The following STX1A variants were observed in gnomAD, a reference collection of about 807,000 sequenced individuals.
STX1A encodes syntaxin-1A.
In STX1A, 4 loss-of-function variants were observed where a neutral mutation model predicts 37.8. The ratio of observed to expected loss-of-function variants is 0.11; its 90% CI spans 0.05 to 0.24. The LOEUF is 0.24. Among genes scored for constraint, STX1A ranks in the 10% least tolerant of loss-of-function variants. The probability of loss-of-function intolerance (pLI) is 1.00; values close to 1 mark genes in which losing one functional copy is unlikely to be tolerated. For missense variants in STX1A, 251 were observed against 399.9 expected, an observed-to-expected ratio of 0.63 and a Z score of 3.18; for synonymous variants, 135 against 147.4, an observed-to-expected ratio of 0.92 and a Z score of 0.61.
intron 4 of STX1A, 97 bp from the exon 5 acceptor site, chr7:73,704,520 G>C: frequency 6.7e-7 from 1 of 1,482,016 alleles, no homozygotes; most frequent in Non-Finnish European, 9.2e-7. Context: ...ACATCCCCTA[G>C]GGTATGTGTG....
chr7:73,719,555 G>A (rs1799421491), intron 1 of STX1A, 47 bp downstream of exon 1: 1 of 1,204,604 alleles, frequency 8.3e-7, no homozygotes, highest in South Asian at 4.2e-5. Context: ...CGGCGCGTTG[G>A]CGCTGGCGGC....
In STX1A at chr7:73,705,310, G is replaced by T; in HGVS notation, c.209-86C>A. The T allele has an allele frequency of 8.8e-7, 1 of 1,130,350 alleles. No individual in the cohort carries two copies. The allele number at this position is 1,130,350 out of a possible 1,614,324, so 70.0% of individuals were successfully genotyped here. A position where few individuals can be genotyped will look rare whatever the true frequency, so the allele number is the denominator to read the frequency against. On this transcript the variant is annotated intron_variant, in intron 3 of 9. Coordinates refer to ENST00000222812, the MANE Select transcript of STX1A (RefSeq NM_004603.4). This position sits in a 1 kb window ranked among gnomAD's most constrained non-coding sequence, Gnocchi z 5.2. ...CTCAGCCTCCAGCCCAGGGGGCCCA[G>T]TGGGAGGCTCTGGGAAGATCCCTGT...
At chr7:73,704,529 T>C (rs1184813191) in intron 4 of STX1A, 106 bp from the exon 5 acceptor site, 8 of 1,386,270 alleles carry the variant, frequency 5.8e-6, no homozygotes, top group African/African-American at 1.4e-5. Context: ...AGGGTATGTG[T>C]GTGGCCTGTG....
chr7:73,712,538 C>T (rs1474158290), intron 1 of STX1A, among the ~76,000 whole-genome samples: 1 of 152,096 alleles, frequency 6.6e-6, no homozygotes, highest in Non-Finnish European at 1.5e-5. Context: ...GGAGCCATGG[C>T]TGAAAACTCT....
chr7:73,704,636 A>G, intron 4 of STX1A: 1 of 613,408 alleles, frequency 1.6e-6, no homozygotes, highest in South Asian at 1.9e-5. Flanking sequence ...GTAAATGCAC[A>G]CCCACTCCAA....
chr7:73,708,079 C>T (rs111430058), intron 3 of STX1A, among the ~76,000 whole-genome samples: 25 of 149,742 alleles, frequency 1.7e-4, no homozygotes, highest in Non-Finnish European at 3.0e-4. Context: ...TCTTGGCCAA[C>T]ATGGTGAAAC....
At position 73,705,082 on chromosome 7, in the gene STX1A, C is replaced by T; in HGVS notation, c.283+68G>A. The T allele has an allele frequency of 6.6e-7, 1 of 1,510,812 alleles. No individual in the cohort carries two copies. Among genetic ancestry groups the T allele is most frequent in the Admixed American group, 1.7e-5 (1 of 59,822 alleles). 93.6% of individuals were successfully genotyped at this position (1,510,812 alleles called of 1,614,324 possible). On this transcript the variant is annotated intron_variant, in intron 4 of 9. Coordinates refer to ENST00000222812, the MANE Select transcript of STX1A (RefSeq NM_004603.4). This position sits in a 1 kb window ranked among gnomAD's most constrained non-coding sequence, Gnocchi z 5.2. ...CGCACCCCCTCAGGGCGAGCAAAAC[C>T]CCATGGGCTCCGCAGAGGAAGCAGG...
chr7:73,707,791 C>G (rs550314247), intron 3 of STX1A, among the ~76,000 whole-genome samples: 1 of 151,544 alleles, frequency 6.6e-6, no homozygotes, highest in East Asian at 1.9e-4. Flanking sequence ...AAAAATTAGC[C>G]GGGCGTGGTG....
In STX1A at chr7:73,709,168, A is replaced by C. The variant is rs1563575303; in HGVS notation, c.31-46T>G. 1 of 1,572,792 alleles carries C rather than the reference A, an allele frequency of 6.4e-7. No homozygotes were observed. The highest frequency in any genetic ancestry group is 1.7e-5 in the Admixed American group (1 of 59,932). The stretch of plus-strand genomic sequence containing the variant: ...ATAAGTGGACGTATGTACAGGACCC[A>C]CCTGTACACACGCAGGTGCCCAGGG... On this transcript the variant is annotated intron_variant, in intron 1 of 9. Transcript: ENST00000222812. This position sits in a 1 kb window ranked among gnomAD's most constrained non-coding sequence, Gnocchi z 4.2.
At position 73,708,972 on chromosome 7, in the gene STX1A, C is replaced by A. The variant is rs797037295; in HGVS notation, c.108+73G>T. On this transcript the variant is annotated intron_variant, in intron 2 of 9. Coordinates refer to ENST00000222812, the MANE Select transcript of STX1A (RefSeq NM_004603.4). ...GGTGCAGGTGTGAAAGAGCACTGAACCTGGCTCAGAGGCGAGAGTGGCCCC... is the reference window on the plus strand; with the variant it reads ...GGTGCAGGTGTGAAAGAGCACTGAAACTGGCTCAGAGGCGAGAGTGGCCCC... 17 of 1,547,630 alleles carry A rather than the reference C, an allele frequency of 1.1e-5. No homozygotes were observed. In the African/African-American group the frequency reaches 2.2e-4, roughly 20 times the overall value.
rs1371394028 is a variant in STX1A, at chr7:73,702,285, G to A, written c.678+560C>T. Among the ~76,000 whole-genome samples, 2 of 152,132 alleles carry A rather than the reference G, an allele frequency of 1.3e-5. No individual in the cohort carries two copies. The highest frequency in any genetic ancestry group is 2.9e-5 in the Non-Finnish European group (2 of 68,018). On this transcript the variant is annotated intron_variant, in intron 8 of 9. Coordinates refer to ENST00000222812, the MANE Select transcript of STX1A (RefSeq NM_004603.4). The surrounding 1 kb of genome is among the most constrained non-coding windows in gnomAD (Gnocchi z 4.7). ...CCCATCGTGGTCACGGTGTTACTCT[G>A]TGTAACTTTGGAACCATAGTGGTGG...
chr7:73,702,831 G>C lies in STX1A; in HGVS notation c.678+14C>G. The C allele has an allele frequency of 1.2e-6, 2 of 1,613,858 alleles. No homozygotes were observed. The highest frequency in any genetic ancestry group is 1.7e-6 in the Non-Finnish European group (2 of 1,179,976). ...TGTGGGCTGGAGTGGAGGGCAGGGG[G>C]GCCCGGCACTCACCTGGCTCTCCAC... On this transcript the variant is annotated intron_variant, in intron 8 of 9. Transcript: ENST00000222812. The surrounding 1 kb of genome is among the most constrained non-coding windows in gnomAD (Gnocchi z 4.7).
In STX1A at chr7:73,702,330, G is replaced by C. The variant is rs563060246; in HGVS notation, c.678+515C>G. Among the ~76,000 whole-genome samples the C allele has an allele frequency of 2.0e-5, 3 of 152,294 alleles. No homozygotes were observed. Among genetic ancestry groups the C allele is most frequent in the East Asian group, 1.9e-4 (1 of 5,170 alleles). On this transcript the variant is annotated intron_variant, in intron 8 of 9. Transcript: ENST00000222812. This position sits in a 1 kb window ranked among gnomAD's most constrained non-coding sequence, Gnocchi z 4.7. Reference sequence around the variant, plus strand: ...TGGTGGTGGCACCACCTTTGAGCTTGTCAGAGAGGCACCTTCCTGGACCTT... The same window carrying C: ...TGGTGGTGGCACCACCTTTGAGCTTCTCAGAGAGGCACCTTCCTGGACCTT...
intron 1 of STX1A, among the ~76,000 whole-genome samples, chr7:73,714,097 A>G (rs73138850): frequency 0.069 from 10,252 of 147,980 alleles, 506 homozygotes; most frequent in Middle Eastern, 0.14. Context: ...CCAACATCCA[A>G]TTTGTCCTGG....
Position 73,708,219 on chromosome 7 carries a change from G to A in STX1A, c.208+370C>T, listed in dbSNP as rs562267179. Among the ~76,000 whole-genome samples the A allele has an allele frequency of 3.3e-4, 48 of 143,394 alleles. No individual in the cohort carries two copies. In the South Asian group the frequency reaches 7.3e-3, roughly 22 times the overall value. 94.1% of individuals were successfully genotyped at this position (143,394 alleles called of 152,430 possible). A position where few individuals can be genotyped will look rare whatever the true frequency, so the allele number is the denominator to read the frequency against. Reference sequence around the variant, plus strand: ...GCAGAGGTGGCAGTGAGCTGAGATTGTGCCACTGCACTCCAGCCTGGCGAC... The same window carrying A: ...GCAGAGGTGGCAGTGAGCTGAGATTATGCCACTGCACTCCAGCCTGGCGAC... On this transcript the variant is annotated intron_variant, in intron 3 of 9. Transcript: ENST00000222812.
intron 4 of STX1A, 200 bp downstream of exon 4, chr7:73,704,950 G>A: frequency 1.6e-6 from 1 of 636,288 alleles, no homozygotes; most frequent in Admixed American, 2.6e-5. Context: ...CCTTAGGTGG[G>A]TGTGTCCCTG....
rs555070783 is a variant in STX1A, at chr7:73,714,229, C to T, written c.31-5107G>A. On this transcript the variant is annotated intron_variant, in intron 1 of 9. Transcript: ENST00000222812. Reference sequence around the variant, plus strand: ...GTTCAAGCGATTCTCCTGCCTCAGCCTCCCGAGTAGCTGGGATTACAGGCA... The same window carrying T: ...GTTCAAGCGATTCTCCTGCCTCAGCTTCCCGAGTAGCTGGGATTACAGGCA... Among the ~76,000 whole-genome samples, 312 of 152,246 alleles carry T rather than the reference C, an allele frequency of 2.0e-3. 3 individuals are homozygous for T. The highest frequency in any genetic ancestry group is 7.7e-3 in the South Asian group (37 of 4,828).
intron 6 of STX1A, 91 bp from the exon 7 acceptor site, chr7:73,703,919 C>G: frequency 7.0e-7 from 1 of 1,433,380 alleles, no homozygotes; most frequent in South Asian, 1.3e-5. Context: ...CAGGCCCGGG[C>G]TCCCCCCAGC....
Position 73,702,917 on chromosome 7 carries a change from G to A in STX1A, c.606C>T (p.Ile202=), listed in dbSNP as rs781789449. 1.4e-5 allele frequency: 22 copies of A among 1,613,478 alleles called. No homozygotes were observed. Among genetic ancestry groups the A allele is most frequent in the Non-Finnish European group, 1.6e-5 (19 of 1,179,994 alleles). ...CACGGATGCTGTTCTCCAGCTTGAT[G>A]ATCTCACTGTGCCGCGTCTCAATCT... The part of the protein sequence containing the change: ...LSEIETRHSE[I]IKLENSIREL... Residue 202 remains isoleucine (I), a synonymous_variant, in exon 8 of 10, where the codon ATC becomes ATT. Transcript: ENST00000222812. This position sits in a 1 kb window ranked among gnomAD's most constrained non-coding sequence, Gnocchi z 4.7.
Sources: gnomAD v4.1 joint callset for allele counts (sites outside exome capture counted in the v4.1 genomes callset) on GRCh38, gnomAD v4.1.1 for gene constraint, Gnocchi (gnomAD v3.1) non-coding constraint, MANE v1.5 for transcripts, NCBI Gene and HGNC (gene_info 2026-07-23, HGNC 2026-07-21) for gene names.